The following GNG5 variants were observed in gnomAD, a reference collection of about 807,000 sequenced individuals.
GNG5 encodes the protein G protein subunit gamma 5.
GNG5 carries 2 observed loss-of-function variants against 6.2 expected under a neutral mutation model. The ratio of observed to expected loss-of-function variants is 0.32; its 90% CI spans 0.13 to 1.01. The LOEUF is 1.01. Among genes scored for constraint, GNG5 ranks in the 50% least tolerant of loss-of-function variants. The pLI, the probability that GNG5 is intolerant of heterozygous loss-of-function variation, is 0.48. For missense variants in GNG5, 57 were observed against 80.2 expected, an observed-to-expected ratio of 0.71 and a Z score of 1.10; for synonymous variants, 24 against 33.0, an observed-to-expected ratio of 0.73 and a Z score of 0.93.
At chr1:84,500,272 G>A (rs977251790) in intron 3 of GNG5, among the ~76,000 whole-genome samples, 2 of 152,156 alleles carry the variant, frequency 1.3e-5, no homozygotes, top group Admixed American at 1.3e-4. Flanking sequence ...ATGCTTTGAT[G>A]CCCAATTATT....
chr1:84,499,458 T>C (rs927474406), intron 3 of GNG5, among the ~76,000 whole-genome samples: 1 of 152,232 alleles, frequency 6.6e-6, no homozygotes, highest in Non-Finnish European at 1.5e-5. Flanking sequence ...CACTCCTTTT[T>C]ACTTCTAGAA....
chr1:84,505,823 A>C (rs1380785831), intron 2 of GNG5, among the ~76,000 whole-genome samples, 188 bp downstream of exon 2: 1 of 152,162 alleles, frequency 6.6e-6, no homozygotes, highest in Non-Finnish European at 1.5e-5. Context: ...GTCCCCCTAA[A>C]ACACAGCGTA....
chr1:84,505,714 A>C (rs1682177548), intron 2 of GNG5, among the ~76,000 whole-genome samples: 1 of 152,184 alleles, frequency 6.6e-6, no homozygotes, highest in African/African-American at 2.4e-5. Context: ...GAAGGCTGCC[A>C]AGGGAGGTAG....
At chr1:84,499,950 C>A (rs946215811) in intron 3 of GNG5, among the ~76,000 whole-genome samples, 1 of 152,162 alleles carries the variant, frequency 6.6e-6, no homozygotes, top group Non-Finnish European at 1.5e-5. Flanking sequence ...CAAAAAGTAG[C>A]CGGGCGTGGT....
Position 84,501,976 on chromosome 1 carries a change from C to T in GNG5, c.82-6G>A, listed in dbSNP as rs1313985287. 4 of 1,609,228 alleles carry T rather than the reference C, an allele frequency of 2.5e-6. No individual in the cohort carries two copies. The highest frequency in any genetic ancestry group is 1.7e-5 in the Admixed American group (1 of 59,768). On this transcript the variant is annotated splice_region_variant and splice_polypyrimidine_tract_variant and intron_variant, in intron 2 of 3. Coordinates refer to ENST00000370645, the MANE Select transcript of GNG5 (RefSeq NM_005274.3). ...TCTGCAGCTGCCTGGGAAACCTATA[C>T]ATAACAAAGAGGGGGGGAAGTGCCA...
intron 2 of GNG5, among the ~76,000 whole-genome samples, chr1:84,504,863 T>A (rs775684302): frequency 2.0e-5 from 3 of 151,812 alleles, no homozygotes; most frequent in African/African-American, 7.3e-5. Context: ...TGGGAGACTC[T>A]CTCTCAGGAG....
At chr1:84,503,846 T>C (rs1400774807) in intron 2 of GNG5, 1 of 152,172 alleles carries the variant, frequency 6.6e-6, no homozygotes, top group African/African-American at 2.4e-5. Context: ...TTTTAGATGG[T>C]GACTGGGTGC....
chr1:84,503,276 G>A (rs1177904647), intron 2 of GNG5, among the ~76,000 whole-genome samples: 2 of 152,212 alleles, frequency 1.3e-5, no homozygotes, highest in African/African-American at 4.8e-5. Flanking sequence ...GGGAGCAGGT[G>A]TCCAGTCCAT....
intron 2 of GNG5, chr1:84,503,684 G>A (rs1289268645): frequency 6.6e-6 from 1 of 152,192 alleles, no homozygotes; most frequent in Non-Finnish European, 1.5e-5. Context: ...GGGGTCCAAT[G>A]TAACTCGCTT....
At chr1:84,501,777 T>C (rs1682061722) in intron 3 of GNG5, 49 bp downstream of exon 3, 2 of 1,086,044 alleles carry the variant, frequency 1.8e-6, no homozygotes, top group South Asian at 2.6e-5. Flanking sequence ...AAGAGAAGAC[T>C]AGTTATTCCT....
chr1:84,502,131 T>TC (rs1682070306), intron 2 of GNG5, among the ~76,000 whole-genome samples, 161 bp from the exon 3 acceptor site: 1 of 141,926 alleles, frequency 7.0e-6, no homozygotes, highest in Admixed American at 7.1e-5. Context: ...AATAGTGAGC[T>TC]CTTTTTTTTT....
At chr1:84,498,576 G>GGGAAACCTA (rs1681988199) in intron 3 of GNG5, 28 bp from the exon 4 acceptor site, 1 of 150,058 alleles carries the variant, frequency 6.7e-6, no homozygotes, top group African/African-American at 2.4e-5. Flanking sequence ...AAAAAAAGGT[G>GGGAAACCTA]AGTTAGGGTA....
At chr1:84,500,679 G>C (rs1233523631) in intron 3 of GNG5, among the ~76,000 whole-genome samples, 2 of 152,064 alleles carry the variant, frequency 1.3e-5, no homozygotes, top group African/African-American at 4.8e-5. Context: ...CATGACACCT[G>C]TTTTCAAAGG....
chr1:84,504,398 A>C (rs1407169848), intron 2 of GNG5, among the ~76,000 whole-genome samples: 1 of 152,216 alleles, frequency 6.6e-6, no homozygotes, highest in Non-Finnish European at 1.5e-5. Flanking sequence ...AGTCTACTGA[A>C]GATTTAGGTA....
intron 2 of GNG5, among the ~76,000 whole-genome samples, chr1:84,505,261 G>A (rs1466117693): frequency 6.6e-6 from 1 of 152,146 alleles, no homozygotes; most frequent in African/African-American, 2.4e-5. Context: ...CCCAAGACAA[G>A]GCCAATACTA....
At chr1:84,500,784 T>C (rs1349898521) in intron 3 of GNG5, among the ~76,000 whole-genome samples, 1 of 152,120 alleles carries the variant, frequency 6.6e-6, no homozygotes, top group African/African-American at 2.4e-5. Flanking sequence ...TCCTGGACAC[T>C]CCCAGGTCTA....
intron 2 of GNG5, chr1:84,503,732 T>C (rs1682101926): frequency 6.6e-6 from 1 of 152,252 alleles, no homozygotes; most frequent in Non-Finnish European, 1.5e-5. Flanking sequence ...CGCATATACT[T>C]ACAGGCACTA....
At chr1:84,505,649 G>A (rs989634612) in intron 2 of GNG5, among the ~76,000 whole-genome samples, 9 of 152,244 alleles carry the variant, frequency 5.9e-5, no homozygotes, top group Non-Finnish European at 1.3e-4. Context: ...GGCAAAGTGG[G>A]AAAGGAAGGG....
intron 2 of GNG5, among the ~76,000 whole-genome samples, chr1:84,504,056 G>C (rs1289188939): frequency 2.6e-5 from 4 of 152,114 alleles, no homozygotes; most frequent in Non-Finnish European, 5.9e-5. Context: ...TGTAATCCTG[G>C]CCTATTAGTG....
Sources: allele counts gnomAD v4.1 joint callset (sites outside exome capture counted in the v4.1 genomes callset), GRCh38; gene constraint gnomAD v4.1.1; transcripts MANE v1.5; gene names NCBI Gene and HGNC (gene_info 2026-07-23, HGNC 2026-07-21).